CCDC91: variants seen among roughly 807,000 people sequenced by gnomAD.
CCDC91 encodes the protein coiled-coil domain containing 91, also known as coiled-coil domain-containing protein 91.
CCDC91 carries 48 observed loss-of-function variants against 63.2 expected under a neutral mutation model. That is an observed-to-expected ratio of 0.76 (90% CI 0.60 to 0.97). CCDC91 has a LOEUF of 0.97. Ranked by LOEUF, CCDC91 falls within the 50% of genes least tolerant of loss-of-function variation. The pLI is 0.00. For missense variants in CCDC91, 500 were observed against 494.6 expected (o/e 1.01, Z -0.10); for synonymous variants, 167 against 165.8 (o/e 1.01, Z -0.06).
At chr12:28,238,347 A>G (rs1308957364) in intron 1 of CCDC91, among the ~76,000 whole-genome samples, 1 of 152,196 alleles carries the variant, frequency 6.6e-6, no homozygotes, top group East Asian at 1.9e-4. Flanking sequence ...CCTTGTATCT[A>G]TCATACTGCC....
At chr12:28,271,460 G>A (rs1488363703) in intron 3 of CCDC91, among the ~76,000 whole-genome samples, 1 of 151,800 alleles carries the variant, frequency 6.6e-6, no homozygotes, top group African/African-American at 2.4e-5. Flanking sequence ...ACTGTATCTT[G>A]CCAATTTTAT....
intron 2 of CCDC91, among the ~76,000 whole-genome samples, chr12:28,258,096 ATCT>A (rs1174355325): frequency 6.6e-6 from 1 of 151,966 alleles, no homozygotes; most frequent in Admixed American, 6.6e-5. Context: ...TTTTGTTAGG[ATCT>A]TCTTCTCTTT....
intron 1 of CCDC91, among the ~76,000 whole-genome samples, chr12:28,217,044 A>G (rs983944449): frequency 6.6e-6 from 1 of 152,098 alleles, no homozygotes; most frequent in African/African-American, 2.4e-5. Context: ...AATAACAATG[A>G]ACATTATTAC....
At chr12:28,235,924 C>T (rs1173495765) in intron 1 of CCDC91, among the ~76,000 whole-genome samples, 1 of 151,902 alleles carries the variant, frequency 6.6e-6, no homozygotes, top group Non-Finnish European at 1.5e-5. Context: ...CAGATTTTCT[C>T]AGTAACATTT....
At chr12:28,227,098 T>C (rs565347378) in intron 1 of CCDC91, among the ~76,000 whole-genome samples, 2 of 152,236 alleles carry the variant, frequency 1.3e-5, no homozygotes, top group South Asian at 2.1e-4. Context: ...TATCAACTTA[T>C]CATTGTTAAG....
At chr12:28,200,360 T>C (rs1464033647) in intron 1 of CCDC91, among the ~76,000 whole-genome samples, 3 of 148,562 alleles carry the variant, frequency 2.0e-5, no homozygotes, top group African/African-American at 7.4e-5. Flanking sequence ...CATAGGACAA[T>C]AGTGGAGGGA....
At chr12:28,421,274 C>T (rs1163918133) in intron 8 of CCDC91, among the ~76,000 whole-genome samples, 5 of 151,974 alleles carry the variant, frequency 3.3e-5, no homozygotes, top group Admixed American at 6.6e-5. Context: ...AGTTGTGTGT[C>T]GTGGGGATTT....
Position 28,383,087 on chromosome 12 carries a change from T to C in CCDC91, c.655-8217T>C, listed in dbSNP as rs74728895. Among the ~76,000 whole-genome samples, 1,400 of 152,258 alleles carry C rather than the reference T, an allele frequency of 9.2e-3. 27 individuals are homozygous for C. Among genetic ancestry groups the C allele is most frequent in the African/African-American group, 0.032 (1,331 of 41,556 alleles). On this transcript the variant is annotated intron_variant, in intron 7 of 12. Coordinates refer to ENST00000536442, the MANE Select transcript of CCDC91 (RefSeq NM_018318.5). The stretch of plus-strand genomic sequence containing the variant: ...AAAAGAAATTTTCACTGGGAGACTT[T>C]TGTGGTGTTTGAGGTAACAACTCTT...
At chr12:28,288,484 T>C (rs548606354) in intron 3 of CCDC91, among the ~76,000 whole-genome samples, 1 of 104,868 alleles carries the variant, frequency 9.5e-6, no homozygotes, top group East Asian at 4.5e-4. Context: ...TAGTTCTATA[T>C]AGGTGATGAA....
chr12:28,289,901 C>T (rs1396826542), intron 3 of CCDC91, among the ~76,000 whole-genome samples: 1 of 151,756 alleles, frequency 6.6e-6, no homozygotes, highest in Non-Finnish European at 1.5e-5. Flanking sequence ...ACCGTGTTAG[C>T]CAGGATGGTC....
In CCDC91 at chr12:28,549,994, T is replaced by A. The variant is rs1251617354; in HGVS notation, c.*821T>A. 6.6e-6 allele frequency: 1 copy of A among 152,520 alleles called. No individual in the cohort carries two copies. 9.4% of individuals were successfully genotyped at this position (152,520 alleles called of 1,614,324 possible). ...CCCAGTATTTCAGAATGTACTTAAT[T>A]CACAGGCAGGATGCTTCAATGCAAA... On this transcript the variant is annotated 3_prime_UTR_variant, in exon 13 of 13. Coordinates refer to ENST00000536442, the MANE Select transcript of CCDC91 (RefSeq NM_018318.5).
intron 1 of CCDC91, among the ~76,000 whole-genome samples, chr12:28,209,154 A>C (rs762753514): frequency 6.6e-6 from 1 of 152,156 alleles, no homozygotes; most frequent in African/African-American, 2.4e-5. Context: ...GAGAAAGCCA[A>C]ATTTCACCCT....
chr12:28,450,019 A>T, intron 8 of CCDC91, 142 bp from the exon 9 acceptor site: 1 of 510,216 alleles, frequency 2.0e-6, no homozygotes, highest in Non-Finnish European at 3.5e-6. Flanking sequence ...TTTTCTCCTG[A>T]ACCTTCGTTT....
At chr12:28,271,275 T>G (rs1267671616) in intron 3 of CCDC91, among the ~76,000 whole-genome samples, 2 of 152,118 alleles carry the variant, frequency 1.3e-5, no homozygotes, top group Non-Finnish European at 2.9e-5. Flanking sequence ...ACTGTCAATT[T>G]TATATTTGTT....
intron 3 of CCDC91, among the ~76,000 whole-genome samples, chr12:28,263,291 A>G (rs1447347190): frequency 6.6e-6 from 1 of 152,048 alleles, no homozygotes; most frequent in Non-Finnish European, 1.5e-5. Context: ...AACTATTTTT[A>G]AGTGTACAGT....
chr12:28,292,189 A>G (rs1949292861), intron 3 of CCDC91, among the ~76,000 whole-genome samples: 1 of 152,258 alleles, frequency 6.6e-6, no homozygotes, highest in Non-Finnish European at 1.5e-5. Context: ...AGAAATGCCC[A>G]TTAAAATGAT....
intron 8 of CCDC91, among the ~76,000 whole-genome samples, chr12:28,416,663 G>A (rs902218893): frequency 7.9e-5 from 12 of 152,006 alleles, no homozygotes; most frequent in Admixed American, 7.2e-4. Flanking sequence ...AAGAAAGGGG[G>A]ATTTTGTCCA....
chr12:28,213,171 C>G (rs1179532342), intron 1 of CCDC91, among the ~76,000 whole-genome samples: 1 of 152,154 alleles, frequency 6.6e-6, no homozygotes, highest in East Asian at 1.9e-4. Context: ...CCTTTCCCCC[C>G]AGGGGAATTA....
chr12:28,280,194 AT>A (rs1178088616), intron 3 of CCDC91, among the ~76,000 whole-genome samples: 1 of 152,112 alleles, frequency 6.6e-6, no homozygotes, highest in African/African-American at 2.4e-5. Flanking sequence ...TCATGCTTGT[AT>A]TTTGATAATA....
Sources: gnomAD v4.1 joint callset for allele counts (sites outside exome capture counted in the v4.1 genomes callset) on GRCh38, gnomAD v4.1.1 for gene constraint, MANE v1.5 for transcripts, NCBI Gene and HGNC (gene_info 2026-07-23, HGNC 2026-07-21) for gene names.